Variants in EIF4E3 observed in about 807,000 individuals in gnomAD.
EIF4E3 encodes eukaryotic translation initiation factor 4E type 3.
In EIF4E3, 26 loss-of-function variants were observed where a neutral mutation model predicts 31.7. That is an observed-to-expected ratio of 0.82 (90% CI 0.60 to 1.14). The LOEUF (loss-of-function observed/expected upper bound fraction) is 1.14. Among genes scored for constraint, EIF4E3 ranks in the 50% most tolerant of loss-of-function variants. The pLI is 0.00. For synonymous variants in EIF4E3, 128 were observed against 107.7 expected, an observed-to-expected ratio of 1.19 and a Z score of -1.17; for missense variants, 304 against 270.9, an observed-to-expected ratio of 1.12 and a Z score of -0.86.
At chr3:71,718,782 A>G (rs2049502738) in intron 1 of EIF4E3, among the ~76,000 whole-genome samples, 1 of 152,254 alleles carries the variant, frequency 6.6e-6, no homozygotes, top group Non-Finnish European at 1.5e-5. Context: ...TGAGGTAGAA[A>G]GGCTGGAAGT....
intron 1 of EIF4E3, among the ~76,000 whole-genome samples, chr3:71,736,637 A>G (rs2049766295): frequency 1.3e-5 from 2 of 152,350 alleles, no homozygotes; most frequent in South Asian, 2.1e-4. Context: ...AGGGGTTGTC[A>G]GGGGTTCAGG....
chr3:71,738,454 A>G (rs1457382112), intron 1 of EIF4E3, among the ~76,000 whole-genome samples: 2 of 152,022 alleles, frequency 1.3e-5, no homozygotes, highest in African/African-American at 4.8e-5. Flanking sequence ...GTTGAAAGGG[A>G]AAAAAAATGA....
chr3:71,724,388 T>C (rs1394943735), intron 1 of EIF4E3, among the ~76,000 whole-genome samples: 1 of 152,098 alleles, frequency 6.6e-6, no homozygotes, highest in Non-Finnish European at 1.5e-5. Flanking sequence ...AACAAATTCA[T>C]ATATAATAAA....
chr3:71,718,820 G>C (rs930121633), intron 1 of EIF4E3, among the ~76,000 whole-genome samples: 1 of 152,178 alleles, frequency 6.6e-6, no homozygotes, highest in African/African-American at 2.4e-5. Context: ...TGCCCTGCCA[G>C]ATGTTCTCAG....
chr3:71,727,696 G>C (rs900128280), upstream of EIF4E3, among the ~76,000 whole-genome samples: 1 of 152,130 alleles, frequency 6.6e-6, no homozygotes, highest in African/African-American at 2.4e-5. Context: ...TATAAATAAT[G>C]GTTGATTCTG....
At chr3:71,750,964 G>A (rs899430741) in intron 1 of EIF4E3, among the ~76,000 whole-genome samples, 1 of 151,740 alleles carries the variant, frequency 6.6e-6, no homozygotes, top group Non-Finnish European at 1.5e-5. Flanking sequence ...GGGTTTCACC[G>A]TGTTAGCCAG....
chr3:71,726,625 G>A (rs1033894360), upstream of EIF4E3, among the ~76,000 whole-genome samples: 2 of 152,224 alleles, frequency 1.3e-5, no homozygotes, highest in African/African-American at 2.4e-5. Flanking sequence ...TGGGATGGAA[G>A]AGCTACAAAA....
the EIF4E3 span, among the ~76,000 whole-genome samples, chr3:71,668,637 T>C: frequency 6.6e-6 from 1 of 151,160 alleles, no homozygotes; most frequent in Admixed American, 6.6e-5. Flanking sequence ...AACAAACATA[T>C]GAAAAAAAGC....
At chr3:71,691,828 A>T (rs2108025107) in intron 5 of EIF4E3, among the ~76,000 whole-genome samples, 1 of 152,386 alleles carries the variant, frequency 6.6e-6, no homozygotes, top group Non-Finnish European at 1.5e-5. Context: ...CTTTAAAAAT[A>T]ATCTTGCCAG....
intron 1 of EIF4E3, among the ~76,000 whole-genome samples, chr3:71,740,770 G>A (rs1292420253): frequency 6.6e-6 from 1 of 152,140 alleles, no homozygotes; most frequent in African/African-American, 2.4e-5. Context: ...TATTTACTGA[G>A]TACCTACTAT....
At chr3:71,672,567 G>C (rs1044712144), downstream of EIF4E3, among the ~76,000 whole-genome samples, 1 of 152,128 alleles carries the variant, frequency 6.6e-6, no homozygotes, top group Non-Finnish European at 1.5e-5. Flanking sequence ...TTCAGGCCTT[G>C]GGGAGTTGTA....
At chr3:71,714,261 G>GGAAGGAAA (rs1284028616) in intron 1 of EIF4E3, among the ~76,000 whole-genome samples, 1 of 116,424 alleles carries the variant, frequency 8.6e-6, no homozygotes, top group Non-Finnish European at 1.8e-5. Context: ...AAGGAAGGAA[G>GGAAGGAAA]GAAGGAAGGA....
chr3:71,731,906 A>G (rs1240302738), intron 1 of EIF4E3, among the ~76,000 whole-genome samples: 1 of 152,228 alleles, frequency 6.6e-6, no homozygotes, highest in Non-Finnish European at 1.5e-5. Context: ...TTAGAGAGAT[A>G]TAATTATACA....
At chr3:71,724,431 A>G (rs1259927251) in intron 1 of EIF4E3, among the ~76,000 whole-genome samples, 1 of 152,228 alleles carries the variant, frequency 6.6e-6, no homozygotes, top group African/African-American at 2.4e-5. Flanking sequence ...GAAGAAAAAG[A>G]AGGCAGGGCA....
chr3:71,694,055 G>A lies in EIF4E3; in HGVS notation c.406-114C>T, dbSNP rs1173619084. 3 of 1,045,700 alleles carry A rather than the reference G, an allele frequency of 2.9e-6. No individual in the cohort carries two copies. In the African/African-American group the frequency reaches 4.8e-5, roughly 17 times the overall value. The allele number at this position is 1,045,700 out of a possible 1,614,324, so 64.8% of individuals were successfully genotyped here. ...CTTCAACTTCACATGCACTTTCTGT[G>A]CCCATACTTGGAGTCCACAGACACC... On this transcript the variant is annotated intron_variant, in intron 4 of 6. Coordinates refer to ENST00000425534, the MANE Select transcript of EIF4E3 (RefSeq NM_001134651.2).
At chr3:71,699,481 C>T (rs958745172) in intron 3 of EIF4E3, 133 bp downstream of exon 3, 9 of 796,884 alleles carry the variant, frequency 1.1e-5, no homozygotes, top group Admixed American at 2.0e-5. Context: ...CCCCCAGACC[C>T]TGGGCCATGA....
intron 5 of EIF4E3, among the ~76,000 whole-genome samples, chr3:71,693,388 G>C (rs2049089667): frequency 6.6e-6 from 1 of 152,136 alleles, no homozygotes; most frequent in Non-Finnish European, 1.5e-5. Context: ...CTTTGAGCAG[G>C]GGACAGAGAG....
At chr3:71,703,800 C>A (rs1214670706) in intron 2 of EIF4E3, among the ~76,000 whole-genome samples, 1 of 66,798 alleles carries the variant, frequency 1.5e-5, no homozygotes, top group Admixed American at 1.7e-4. Context: ...AACCACCCAG[C>A]AAACACACAT....
chr3:71,690,178 C>G lies in EIF4E3; in HGVS notation c.473-13G>C, dbSNP rs1180248581. The G allele has an allele frequency of 3.9e-6, 6 of 1,548,054 alleles. No individual in the cohort carries two copies. The highest frequency in any genetic ancestry group is 1.5e-5 in the African/African-American group (1 of 68,780). Reference sequence around the variant, plus strand: ...ATTACTTCATCATCTGAGGGGAAGACAGGAAAAAAAAAAAATGAGTGATAC... The same window carrying G: ...ATTACTTCATCATCTGAGGGGAAGAGAGGAAAAAAAAAAAATGAGTGATAC... On this transcript the variant is annotated splice_polypyrimidine_tract_variant and intron_variant, in intron 5 of 6. Coordinates refer to ENST00000425534, the MANE Select transcript of EIF4E3 (RefSeq NM_001134651.2).
Sources: gnomAD v4.1 joint callset for allele counts (sites outside exome capture counted in the v4.1 genomes callset) on GRCh38, gnomAD v4.1.1 for gene constraint, MANE v1.5 for transcripts, NCBI Gene and HGNC (gene_info 2026-07-23, HGNC 2026-07-21) for gene names.